Variants in CDK12 observed in about 807,000 individuals in gnomAD.
The protein encoded by CDK12 is cyclin dependent kinase 12, also known as cyclin-dependent kinase 12.
Under a neutral mutation model 133.8 loss-of-function variants are expected in CDK12, and 17 were observed. That is an observed-to-expected ratio of 0.13 (90% CI 0.09 to 0.19). The LOEUF (loss-of-function observed/expected upper bound fraction) is 0.19. Ranked by LOEUF, CDK12 falls within the 10% of genes least tolerant of loss-of-function variation. The pLI, the probability that CDK12 is intolerant of heterozygous loss-of-function variation, is 1.00. For synonymous variants in CDK12, 694 were observed against 683.6 expected, an observed-to-expected ratio of 1.02 and a Z score of -0.24; for missense variants, 1,508 against 1,818.7, an observed-to-expected ratio of 0.83 and a Z score of 3.11.
chr17:39,474,728 A>G (rs746800329), intron 2 of CDK12, among the ~76,000 whole-genome samples: 7 of 151,962 alleles, frequency 4.6e-5, no homozygotes, highest in Non-Finnish European at 1.0e-4. Context: ...AAAGGGGGAA[A>G]AAAACTATTT....
intron 7 of CDK12, among the ~76,000 whole-genome samples, chr17:39,510,260 C>T (rs2146340502): frequency 6.6e-6 from 1 of 151,542 alleles, no homozygotes; most frequent in African/African-American, 2.4e-5. Flanking sequence ...GCTGGTATTA[C>T]AGGTGCCCGC....
At position 39,494,316 on chromosome 17, in the gene CDK12, G is replaced by A. The variant is rs11078904; in HGVS notation, c.2249-208G>A. Among the ~76,000 whole-genome samples the A allele has an allele frequency of 0.63, 95,865 of 152,040 alleles. 32,956 individuals are homozygous for A. The highest frequency in any genetic ancestry group is 0.89 in the South Asian group (4,289 of 4,824). ...TCGAATTCCTAACCTCAGGTGATCC[G>A]CAGGCCTTGGCCTCCCAAAGTGTTG... On this transcript the variant is annotated intron_variant, in intron 4 of 13. Coordinates refer to ENST00000447079, the MANE Select transcript of CDK12 (RefSeq NM_016507.4).
At position 39,461,778 on chromosome 17, in the gene CDK12, A is replaced by G; in HGVS notation, c.-294A>G. 1 of 441,140 alleles carries G rather than the reference A, an allele frequency of 2.3e-6. No homozygotes were observed. The highest frequency in any genetic ancestry group is 4.1e-6 in the Non-Finnish European group (1 of 242,846). The allele number at this position is 441,140 out of a possible 1,614,324, so 27.3% of individuals were successfully genotyped here. A position where few individuals can be genotyped will look rare whatever the true frequency, so the allele number is the denominator to read the frequency against. Reference sequence around the variant, plus strand: ...TGGACCTCCCCGGCGCCCGGGCCTGAGGACTGGCTCGGCGGAGGGAGAAGA... The same window carrying G: ...TGGACCTCCCCGGCGCCCGGGCCTGGGGACTGGCTCGGCGGAGGGAGAAGA... On this transcript the variant is annotated 5_prime_UTR_variant, in exon 1 of 14. Coordinates refer to ENST00000447079, the MANE Select transcript of CDK12 (RefSeq NM_016507.4).
intron 1 of CDK12, among the ~76,000 whole-genome samples, chr17:39,541,163 T>G (rs1237639866): frequency 6.9e-6 from 1 of 144,582 alleles, no homozygotes; most frequent in Non-Finnish European, 1.5e-5. Context: ...CTACACACAG[T>G]TGAGTTGGAT....
rs879091737 is a variant in CDK12, at chr17:39,534,310, C to T, written c.*2994C>T. 4.3e-6 allele frequency: 1 copy of T among 232,848 alleles called. No individual in the cohort carries two copies. Among genetic ancestry groups the T allele is most frequent in the East Asian group, 6.0e-5 (1 of 16,652 alleles). The allele number at this position is 232,848 out of a possible 1,614,324, so 14.4% of individuals were successfully genotyped here. A position where few individuals can be genotyped will look rare whatever the true frequency, so the allele number is the denominator to read the frequency against. On this transcript the variant is annotated 3_prime_UTR_variant, in exon 14 of 14. Transcript: ENST00000447079. ...ATAATATGCATATATAGTTACCGTGCTAAAATGGTTACCAGCAGGTTTTGA... is the reference window on the plus strand; with the variant it reads ...ATAATATGCATATATAGTTACCGTGTTAAAATGGTTACCAGCAGGTTTTGA...
At chr17:39,498,426 TG>T (rs2146015979) in intron 5 of CDK12, among the ~76,000 whole-genome samples, 1 of 152,222 alleles carries the variant, frequency 6.6e-6, no homozygotes, top group South Asian at 2.1e-4. Flanking sequence ...TTTCACCATG[TG>T]GGCCAGGCTG....
At position 39,524,775 on chromosome 17, in the gene CDK12, C is replaced by G. The variant is rs2054393651; in HGVS notation, c.3197C>G (p.Ser1066Cys). The change falls in exon 12 of 14, where the codon TCT (serine) becomes TGT (cysteine). Residue 1066 changes from serine (S) to cysteine (C), a missense_variant. Physicochemically the swap from Ser to Cys is moderately radical, Grantham distance 112. Transcript: ENST00000447079. ...GAAGAGCCACCTCCATCCAAAACTTCTCGAAAAGAAACTACCTCAGGGACA... is the reference window on the plus strand; with the variant it reads ...GAAGAGCCACCTCCATCCAAAACTTGTCGAAAAGAAACTACCTCAGGGACA... ...VVEEPPPSKT[S>C]RKETTSGTST... 6.2e-7 allele frequency: 1 copy of G among 1,614,222 alleles called. No individual in the cohort carries two copies. Among genetic ancestry groups the G allele is most frequent in the Non-Finnish European group, 8.5e-7 (1 of 1,180,050 alleles).
intron 13 of CDK12, among the ~76,000 whole-genome samples, chr17:39,527,979 G>A (rs749393021): frequency 3.3e-4 from 50 of 151,584 alleles, no homozygotes; most frequent in Non-Finnish European, 4.7e-4. Context: ...GCAATGGCGC[G>A]ATCTTGGTGC....
rs755548716 is a variant in CDK12, at chr17:39,526,276, G to T, written c.3720G>T (p.Gly1240=). 5.0e-6 allele frequency: 8 copies of T among 1,603,436 alleles called. No homozygotes were observed. Among genetic ancestry groups the T allele is most frequent in the Admixed American group, 1.7e-5 (1 of 57,922 alleles). ...NNSDKNSGPQ[G]PRRTPTMPQE... is the part of the protein sequence containing the mutation. ...GTGACAAGAACAGTGGGCCACAGGG[G>T]CCCCGAAGAACTCCCACAATGCCAC... The change falls in exon 13 of 14, where the codon GGG becomes GGT. Residue 1240 remains glycine (G), a synonymous_variant. Transcript: ENST00000447079.
At position 39,471,053 on chromosome 17, in the gene CDK12, A is replaced by AGCT. The variant is rs755536892; in HGVS notation, c.1233_1235dup (p.Ala413dup). On this transcript the variant is annotated inframe_insertion, in exon 2 of 14. Coordinates refer to ENST00000447079, the MANE Select transcript of CDK12 (RefSeq NM_016507.4). ...TCAGTAGGAAAAAGAAGGAAAGAGC[A>AGCT]GCTGCTGCTGCTGCAGCAAAGATGG... 3.1e-6 allele frequency: 5 copies of AGCT among 1,613,816 alleles called. No homozygotes were observed. The highest frequency in any genetic ancestry group is 1.1e-5 in the South Asian group (1 of 91,064).
downstream of CDK12, among the ~76,000 whole-genome samples, chr17:39,536,126 A>G (rs1424164043): frequency 3.9e-5 from 6 of 152,102 alleles, no homozygotes; most frequent in East Asian, 1.2e-3. Context: ...ACGACACCTG[A>G]AGGAATTACT....
chr17:39,509,638 G>T, intron 6 of CDK12, 67 bp from the exon 7 acceptor site: 2 of 1,035,638 alleles, frequency 1.9e-6, no homozygotes, highest in South Asian at 2.6e-5. Flanking sequence ...CTTGGCGCAT[G>T]ACTTTTCAGG....
At chr17:39,515,409 T>C (rs975066530) in intron 8 of CDK12, among the ~76,000 whole-genome samples, 1 of 152,212 alleles carries the variant, frequency 6.6e-6, no homozygotes, top group African/African-American at 2.4e-5. Context: ...TATTGTTCTT[T>C]AATTTTGAGC....
rs1336519127 is a variant in CDK12 at position 39,497,709 on chromosome 17, C to T, written c.2419+3015C>T. Among the ~76,000 whole-genome samples the T allele has an allele frequency of 2.0e-5, 3 of 151,828 alleles. No homozygotes were observed. The East Asian group carries it at 5.8e-4, about 29-fold the overall frequency. The stretch of plus-strand genomic sequence containing the variant: ...TCCTCAACCTCCAGGCTCAAGCAAT[C>T]CTCCATGCCTCATCCTCCTGATTAG... On this transcript the variant is annotated intron_variant, in intron 5 of 13. Transcript: ENST00000447079.
intron 2 of CDK12, among the ~76,000 whole-genome samples, chr17:39,473,118 T>C (rs2049927552): frequency 6.6e-6 from 1 of 151,632 alleles, no homozygotes; most frequent in Admixed American, 6.6e-5. Flanking sequence ...TTTAACCAAA[T>C]AGTCCCAGTA....
intron 3 of CDK12, 109 bp downstream of exon 3, chr17:39,490,842 G>C: frequency 1.3e-6 from 1 of 751,246 alleles, no homozygotes; most frequent in Non-Finnish European, 2.0e-6. Flanking sequence ...TAGAAGTTTG[G>C]TCCCAAAGTA....
At chr17:39,477,677 ATTC>A (rs1428865155) in intron 2 of CDK12, among the ~76,000 whole-genome samples, 2 of 148,578 alleles carry the variant, frequency 1.3e-5, no homozygotes, top group East Asian at 2.0e-4. Context: ...GGTCCACGCT[ATTC>A]TTCTGCCTCA....
chr17:39,486,256 T>C (rs2051121127), intron 2 of CDK12, among the ~76,000 whole-genome samples: 1 of 143,480 alleles, frequency 7.0e-6, no homozygotes, highest in Admixed American at 7.0e-5. Flanking sequence ...CCTGCCTCTT[T>C]TTTTTTTTTT....
chr17:39,463,816 T>G (rs1033781412), intron 1 of CDK12, among the ~76,000 whole-genome samples: 1 of 151,934 alleles, frequency 6.6e-6, no homozygotes, highest in Admixed American at 6.6e-5. Flanking sequence ...CACATAGTAA[T>G]AATGCCTTCT....
Sources: allele counts gnomAD v4.1 joint callset (sites outside exome capture counted in the v4.1 genomes callset), GRCh38; gene constraint gnomAD v4.1.1; transcripts MANE v1.5; gene names NCBI Gene and HGNC (gene_info 2026-07-23, HGNC 2026-07-21).